Variants in PCDH19 observed in about 807,000 individuals in gnomAD.
The protein encoded by PCDH19 is protocadherin-19.
Under a neutral mutation model 46.2 loss-of-function variants are expected in PCDH19, and 6 were observed. The ratio of observed to expected loss-of-function variants is 0.13; its 90% CI spans 0.07 to 0.26. The LOEUF is 0.26. PCDH19 is among the 10% of genes least tolerant of loss of function. PCDH19 has a pLI of 1.00. For missense variants in PCDH19, 740 were observed against 972.3 expected (o/e 0.76, Z 3.18); for synonymous variants, 481 against 415.7 (o/e 1.16, Z -1.91).
chrX:100,304,660 GA>G (rs1355889051), intron 5 of PCDH19, among the ~76,000 whole-genome samples: 2 of 111,456 alleles, frequency 1.8e-5, no homozygotes, highest in African/African-American at 6.5e-5. Context: ...CCAACTTAAA[GA>G]AATCAAAACC....
At chrX:100,380,565 T>C (rs1195547398) in intron 3 of PCDH19, among the ~76,000 whole-genome samples, 1 of 111,694 alleles carries the variant, frequency 9.0e-6, no homozygotes, top group African/African-American at 3.3e-5. Context: ...AATATATCCA[T>C]AGTAAAGCAA....
intron 3 of PCDH19, among the ~76,000 whole-genome samples, chrX:100,389,683 C>T (rs192274196): frequency 1.3e-4 from 14 of 111,774 alleles, no homozygotes; most frequent in Non-Finnish European, 1.1e-4. Context: ...TTGTCAATTA[C>T]ACTCCCAATA....
intron 5 of PCDH19, among the ~76,000 whole-genome samples, chrX:100,336,198 G>C (rs1232830313): frequency 8.0e-5 from 9 of 112,282 alleles, no homozygotes; most frequent in African/African-American, 2.9e-4. Flanking sequence ...ACACAAAATA[G>C]TCTCCATTGA....
In PCDH19 at chrX:100,403,609, T is replaced by C. The variant is rs1382149285; in HGVS notation, c.2203A>G (p.Lys735Glu). ...GAAACCGAGATGCAATGCAGACACTTGCTGTTTTGTCCTTTTATAAAACAG... is the reference window on the plus strand; with the variant it reads ...GAAACCGAGATGCAATGCAGACACTCGCTGTTTTGTCCTTTTATAAAACAG... Reference protein sequence around the residue: ...LGCFIKGQNSKCLHCISVSPI... With the variant: ...LGCFIKGQNSECLHCISVSPI... Residue 735 changes from lysine (K) to glutamate (E), a missense_variant, in exon 2 of 6, where the codon AAG becomes GAG. Lys to Glu is a moderately conservative substitution (Grantham distance 56). This residue lies in a region of PCDH19 where 416 missense variants were observed against 476.8 expected (regional missense o/e 0.87). Coordinates refer to ENST00000373034, the MANE Select transcript of PCDH19 (RefSeq NM_001184880.2). The C allele has an allele frequency of 8.3e-7, 1 of 1,205,585 alleles. No individual in the cohort carries two copies. The highest frequency in any genetic ancestry group is 2.2e-5 in the Admixed American group (1 of 45,767).
At chrX:100,305,557 C>T (rs1218309110) in intron 5 of PCDH19, among the ~76,000 whole-genome samples, 1 of 111,471 alleles carries the variant, frequency 9.0e-6, no homozygotes, top group Non-Finnish European at 1.9e-5. Context: ...AATAGAATAG[C>T]ACCTCACATC....
In PCDH19 at chrX:100,402,536, C is replaced by A. The variant is rs1264539895; in HGVS notation, c.2604G>T (p.Val868=). 1 of 1,210,832 alleles carries A rather than the reference C, an allele frequency of 8.3e-7. No homozygotes were observed. Among genetic ancestry groups the A allele is most frequent in the Admixed American group, 2.2e-5 (1 of 46,087 alleles). The part of the protein sequence containing the change: ...PQQPDLIING[V]PLPETENYSF... ...TAGCTGCACTCACCTCAGGCAGAGG[C>A]ACACCGTTGATAATCAGGTCAGGCT... Residue 868 remains valine, a synonymous_variant, in exon 3 of 6, where the codon GTG becomes GTT. Transcript: ENST00000373034.
intron 3 of PCDH19, among the ~76,000 whole-genome samples, chrX:100,372,357 C>T (rs1927254530): frequency 8.9e-6 from 1 of 112,286 alleles, no homozygotes. Context: ...TAAACCACTC[C>T]ATCTTCCATA....
chrX:100,399,342 T>A (rs758616642), intron 3 of PCDH19, among the ~76,000 whole-genome samples: 8 of 111,985 alleles, frequency 7.1e-5, no homozygotes, highest in African/African-American at 2.6e-4. Flanking sequence ...ATCCTAGCAA[T>A]GGAGAATGTC....
chrX:100,398,231 G>C (rs1411869457), intron 3 of PCDH19, among the ~76,000 whole-genome samples: 1 of 112,087 alleles, frequency 8.9e-6, no homozygotes, highest in Non-Finnish European at 1.9e-5. Flanking sequence ...AATCCACATA[G>C]CTGATTTCCC....
chrX:100,307,230 C>T (rs1235012033), intron 5 of PCDH19, among the ~76,000 whole-genome samples: 5 of 111,936 alleles, frequency 4.5e-5, no homozygotes, highest in Non-Finnish European at 9.4e-5. Context: ...ACCAGGCATG[C>T]AGGGATGGTT....
chrX:100,404,001 G>A (rs1046181492), intron 1 of PCDH19, among the ~76,000 whole-genome samples: 2 of 111,851 alleles, frequency 1.8e-5, no homozygotes, highest in East Asian at 5.6e-4. Context: ...ATTCTCACTC[G>A]ACAAAGCTAA....
At chrX:100,386,778 T>G (rs1045279423) in intron 3 of PCDH19, among the ~76,000 whole-genome samples, 2 of 111,932 alleles carry the variant, frequency 1.8e-5, no homozygotes, top group African/African-American at 3.2e-5. Context: ...TCATGCCCAC[T>G]CACATGAAAA....
intron 5 of PCDH19, among the ~76,000 whole-genome samples, chrX:100,301,728 C>A (rs1319285876): frequency 8.9e-6 from 1 of 112,016 alleles, no homozygotes; most frequent in African/African-American, 3.3e-5. Flanking sequence ...TAAAATTGGT[C>A]ACATGTGCCT....
At chrX:100,373,311 A>G (rs755629619) in intron 3 of PCDH19, among the ~76,000 whole-genome samples, 8 of 112,683 alleles carry the variant, frequency 7.1e-5, no homozygotes, top group Non-Finnish European at 9.4e-5. Flanking sequence ...TCCTTCTCCT[A>G]GTTTTATGCA....
chrX:100,362,182 C>T (rs187170185), intron 3 of PCDH19, among the ~76,000 whole-genome samples: 1 of 111,535 alleles, frequency 9.0e-6, no homozygotes, highest in Non-Finnish European at 1.9e-5. Flanking sequence ...ACAGCTCTCT[C>T]TTGGTCAATT....
rs1358498313 is a variant in PCDH19, at chrX:100,322,854, TATATATA to T, written c.2848+19042_2848+19048del. Among the ~76,000 whole-genome samples the T allele has an allele frequency of 1.2e-3, 69 of 58,740 alleles. 2 individuals are homozygous for T. Among genetic ancestry groups the T allele is most frequent in the African/African-American group, 5.2e-3 (67 of 12,766 alleles). The allele number at this position is 58,740 out of a possible 115,157, so 51.0% of individuals were successfully genotyped here. A position where few individuals can be genotyped will look rare whatever the true frequency, so the allele number is the denominator to read the frequency against. ...CTAAGTATATATATATATATATATATATATATATATATTTTTGCAGCTATTGTAAAAG... is the reference window on the plus strand; with the variant it reads ...CTAAGTATATATATATATATATATATTATATTTTTGCAGCTATTGTAAAAG... On this transcript the variant is annotated intron_variant, in intron 5 of 5. Transcript: ENST00000373034.
intron 5 of PCDH19, among the ~76,000 whole-genome samples, chrX:100,331,189 A>T (rs1925859942): frequency 8.9e-6 from 1 of 112,307 alleles, no homozygotes; most frequent in African/African-American, 3.2e-5. Flanking sequence ...CCCTTCTGAC[A>T]TTGACACCTG....
At chrX:100,343,338 T>G (rs1022003400) in intron 4 of PCDH19, among the ~76,000 whole-genome samples, 3 of 112,110 alleles carry the variant, frequency 2.7e-5, no homozygotes, top group African/African-American at 9.7e-5. Context: ...GATATGCCTA[T>G]TGGTTCTGTT....
intron 3 of PCDH19, among the ~76,000 whole-genome samples, chrX:100,378,115 A>G (rs1490828313): frequency 8.9e-6 from 1 of 112,964 alleles, no homozygotes; most frequent in Non-Finnish European, 1.9e-5. Context: ...ACTAAGGAGT[A>G]GCCTGGGCTC....
Sources: gnomAD v4.1 joint callset for allele counts (sites outside exome capture counted in the v4.1 genomes callset) on GRCh38, gnomAD v4.1.1 for gene constraint, gnomAD v4.1.1 regional missense constraint, MANE v1.5 for transcripts, NCBI Gene and HGNC (gene_info 2026-07-23, HGNC 2026-07-21) for gene names.